The following WDFY4 variants were observed in gnomAD, a reference collection of about 807,000 sequenced individuals.
WDFY4 encodes WDFY family member 4.
WDFY4 carries 169 observed loss-of-function variants against 351.9 expected under a neutral mutation model. The observed-to-expected ratio is 0.48, with a 90% confidence interval of 0.42 to 0.55. WDFY4 has a LOEUF of 0.55. Ranked by LOEUF, WDFY4 falls within the 20% of genes least tolerant of loss-of-function variation. The pLI is 0.00. For synonymous variants in WDFY4, 1,622 were observed against 1,574.6 expected, an observed-to-expected ratio of 1.03 and a Z score of -0.71; for missense variants, 3,803 against 3,935.6, an observed-to-expected ratio of 0.97 and a Z score of 0.90.
Position 48,976,785 on chromosome 10 carries a change from C to T in WDFY4, c.9109-12C>T, listed in dbSNP as rs1355519082. 4 of 1,380,224 alleles carry T rather than the reference C, an allele frequency of 2.9e-6. No homozygotes were observed. The highest frequency in any genetic ancestry group is 2.9e-5 in the East Asian group (1 of 34,298). 85.5% of individuals were successfully genotyped at this position (1,380,224 alleles called of 1,614,324 possible). ...ACTCCAGCTTAGAGTGATGCCAGCT[C>T]TCACTGCACAGGGCACCATTGTCTC... is the stretch of plus-strand genomic sequence containing the variant. On this transcript the variant is annotated splice_polypyrimidine_tract_variant and intron_variant, in intron 58 of 61. Coordinates refer to ENST00000325239, the MANE Select transcript of WDFY4 (RefSeq NM_001394531.1).
Position 48,933,915 on chromosome 10 carries a change from T to C in WDFY4, c.7587-7891T>C, listed in dbSNP as rs139239218. 1.8e-4 allele frequency among the ~76,000 whole-genome samples: 28 copies of C among 152,038 alleles called. No homozygotes were observed. The East Asian group carries it at 4.3e-3, about 23-fold the overall frequency. On this transcript the variant is annotated intron_variant, in intron 47 of 61. Coordinates refer to ENST00000325239, the MANE Select transcript of WDFY4 (RefSeq NM_001394531.1). ...GATACTGGGTAACAGTGAGAGACCA[T>C]TGGAGGCCCAAGCAGAAGCTGGAGG...
intron 12 of WDFY4, among the ~76,000 whole-genome samples, chr10:48,759,053 C>A (rs2065420405): frequency 1.4e-5 from 2 of 147,232 alleles, no homozygotes; most frequent in Non-Finnish European, 3.0e-5. Context: ...ATATATATAT[C>A]TTAAGGTAGG....
At chr10:48,900,142 A>C in intron 45 of WDFY4, 79 bp from the exon 46 acceptor site, 1 of 1,322,866 alleles carries the variant, frequency 7.6e-7, no homozygotes, top group Admixed American at 2.2e-5. Flanking sequence ...GCAATGACCC[A>C]TTTCCAGCAG....
intron 45 of WDFY4, among the ~76,000 whole-genome samples, chr10:48,898,064 G>T: frequency 6.6e-6 from 1 of 152,084 alleles, no homozygotes; most frequent in South Asian, 2.1e-4. Flanking sequence ...GGGGCCAAGT[G>T]GTTTAGGGAT....
At chr10:48,969,361 A>G in intron 56 of WDFY4, 113 bp downstream of exon 56, 2 of 1,307,644 alleles carry the variant, frequency 1.5e-6, no homozygotes, top group Non-Finnish European at 2.1e-6. Flanking sequence ...CACTTTCCCT[A>G]CAAGGTGTGC....
chr10:48,786,488 C>A, intron 19 of WDFY4, 151 bp from the exon 20 acceptor site: 1 of 616,506 alleles, frequency 1.6e-6, no homozygotes, highest in Non-Finnish European at 2.7e-6. Context: ...GCGCATACTT[C>A]TGAGATTTGA....
chr10:48,764,278 C>G (rs747363250), intron 13 of WDFY4, among the ~76,000 whole-genome samples: 18 of 152,144 alleles, frequency 1.2e-4, no homozygotes, highest in Non-Finnish European at 2.1e-4. Context: ...AGGTTCTTTT[C>G]CCCTCCAAAA....
chr10:48,823,232 A>G (rs1297977914), intron 35 of WDFY4: 2 of 1,303,394 alleles, frequency 1.5e-6, no homozygotes, highest in South Asian at 2.5e-5. Flanking sequence ...CCTCCAGGAA[A>G]CCTTTGCTCA....
chr10:48,913,921 C>T, intron 47 of WDFY4: 1 of 1,614,078 alleles, frequency 6.2e-7, no homozygotes, highest in Non-Finnish European at 8.5e-7. Context: ...CTGTGCAGGT[C>T]CAGCCACCGG....
At chr10:48,945,074 A>G (rs1840970120) in intron 49 of WDFY4, among the ~76,000 whole-genome samples, 1 of 152,142 alleles carries the variant, frequency 6.6e-6, no homozygotes, top group African/African-American at 2.4e-5. Flanking sequence ...ATTCACTGCT[A>G]GTGGAAAGAA....
chr10:48,815,775 A>G (rs1400720045), intron 31 of WDFY4, among the ~76,000 whole-genome samples: 1 of 152,030 alleles, frequency 6.6e-6, no homozygotes, highest in Non-Finnish European at 1.5e-5. Flanking sequence ...GATGAATTAC[A>G]TCAATAGATT....
intron 1 of WDFY4, among the ~76,000 whole-genome samples, chr10:48,703,939 T>A (rs184453243): frequency 6.6e-6 from 1 of 152,058 alleles, no homozygotes; most frequent in Non-Finnish European, 1.5e-5. Flanking sequence ...CCTGGGGGCA[T>A]GCATGGCCAC....
chr10:48,746,521 T>C (rs1207744601), intron 12 of WDFY4, among the ~76,000 whole-genome samples: 1 of 152,188 alleles, frequency 6.6e-6, no homozygotes, highest in East Asian at 1.9e-4. Flanking sequence ...TCTAGTGTGG[T>C]ATTATTTCTC....
At chr10:48,889,110 G>A (rs926874808) in intron 43 of WDFY4, among the ~76,000 whole-genome samples, 1 of 152,208 alleles carries the variant, frequency 6.6e-6, no homozygotes, top group African/African-American at 2.4e-5. Flanking sequence ...ACTCTGGCCT[G>A]GAAGGTGGCT....
intron 1 of WDFY4, among the ~76,000 whole-genome samples, chr10:48,699,870 A>G (rs1031575854): frequency 2.6e-5 from 4 of 152,102 alleles, no homozygotes. Context: ...GTCCCTCTCC[A>G]AGGCTTCTCC....
At chr10:48,894,953 C>T (rs542120868) in intron 44 of WDFY4, among the ~76,000 whole-genome samples, 2 of 152,260 alleles carry the variant, frequency 1.3e-5, no homozygotes, top group African/African-American at 2.4e-5. Context: ...AGCCAGCAGC[C>T]GGTTTGTATT....
chr10:48,693,305 T>C (rs1053448884), intron 1 of WDFY4, among the ~76,000 whole-genome samples: 1 of 152,060 alleles, frequency 6.6e-6, no homozygotes, highest in Non-Finnish European at 1.5e-5. Context: ...AGAGACTTGC[T>C]ATGGTGCAGC....
intron 60 of WDFY4, 91 bp downstream of exon 60, chr10:48,978,484 C>T (rs1842672284): frequency 2.4e-6 from 3 of 1,261,076 alleles, no homozygotes; most frequent in Admixed American, 2.7e-5. Flanking sequence ...GCTGCAGCTC[C>T]TCCCAGGTCT....
chr10:48,854,788 T>C (rs1338022111), intron 39 of WDFY4, among the ~76,000 whole-genome samples: 1 of 152,176 alleles, frequency 6.6e-6, no homozygotes, highest in African/African-American at 2.4e-5. Context: ...AACCCATGGG[T>C]GTCATCATGA....
Sources: gnomAD v4.1 joint callset for allele counts (sites outside exome capture counted in the v4.1 genomes callset) on GRCh38, gnomAD v4.1.1 for gene constraint, MANE v1.5 for transcripts, NCBI Gene and HGNC (gene_info 2026-07-23, HGNC 2026-07-21) for gene names.